APIP: variants seen among roughly 807,000 people sequenced by gnomAD.
The protein encoded by APIP is methylthioribulose-1-phosphate dehydratase.
A neutral mutation model predicts 32.0 loss-of-function variants in APIP; 32 were observed. The ratio of observed to expected loss-of-function variants is 1.00; its 90% CI spans 0.76 to 1.34. The LOEUF (loss-of-function observed/expected upper bound fraction) is 1.34, where lower values mean the gene tolerates loss of function less well. Ranked by LOEUF, APIP falls within the 40% of genes most tolerant of loss-of-function variation. The pLI is 0.00. For synonymous variants in APIP, 92 were observed against 94.8 expected, an observed-to-expected ratio of 0.97 and a Z score of 0.17; for missense variants, 247 against 298.6, an observed-to-expected ratio of 0.83 and a Z score of 1.27.
chr11:34,888,233 T>C (rs1853111100), intron 5 of APIP, 60 bp downstream of exon 5: 1 of 1,422,626 alleles, frequency 7.0e-7, no homozygotes. Flanking sequence ...CAGTATTCTA[T>C]TTATCAAAGA....
chr11:34,885,849 T>A (rs1853060469), intron 5 of APIP, among the ~76,000 whole-genome samples: 1 of 151,992 alleles, frequency 6.6e-6, no homozygotes, highest in Non-Finnish European at 1.5e-5. Context: ...TCTCAACAAC[T>A]CCTATCGCCT....
intron 1 of APIP, among the ~76,000 whole-genome samples, chr11:34,901,750 T>C (rs542151461): frequency 2.0e-5 from 3 of 152,296 alleles, no homozygotes; most frequent in East Asian, 1.9e-4. Context: ...ACAAACTCTT[T>C]GTCTCCCCCG....
intron 6 of APIP, among the ~76,000 whole-genome samples, chr11:34,883,054 T>C (rs983730335): frequency 6.6e-6 from 1 of 152,210 alleles, no homozygotes; most frequent in Non-Finnish European, 1.5e-5. Context: ...GTTTAAAATA[T>C]ACTGCCTACA....
At chr11:34,887,725 T>C (rs1853102797) in intron 5 of APIP, among the ~76,000 whole-genome samples, 1 of 152,214 alleles carries the variant, frequency 6.6e-6, no homozygotes. Context: ...CCTGCCGTTA[T>C]ATTCTAGAAT....
chr11:34,912,522 G>A (rs7130867), intron 1 of APIP, among the ~76,000 whole-genome samples: 28,746 of 152,098 alleles, frequency 0.19, 3,884 homozygotes, highest in African/African-American at 0.39. Context: ...AGGTGTGTCT[G>A]TGAGGGTGCT....
intron 1 of APIP, among the ~76,000 whole-genome samples, chr11:34,915,183 G>C (rs1186671908): frequency 1.3e-5 from 2 of 152,004 alleles, no homozygotes; most frequent in South Asian, 2.1e-4. Context: ...ATTACACTAA[G>C]ATTTACTGAT....
chr11:34,890,452 A>ATGT, intron 3 of APIP, 52 bp downstream of exon 3: 1 of 1,510,098 alleles, frequency 6.6e-7, no homozygotes, highest in Admixed American at 2.1e-5. Context: ...CATTTCATAA[A>ATGT]ACAGTAATTA....
Position 34,916,089 on chromosome 11 carries a change from G to A in APIP, c.57+139C>T, listed in dbSNP as rs1332928147. On this transcript the variant is annotated intron_variant, in intron 1 of 6. Coordinates refer to ENST00000395787, the MANE Select transcript of APIP (RefSeq NM_015957.4). ...CCGAACGCCAAGGTCGCGGTGCGCC[G>A]GGGTAGCGAACGGCCAGGCCCGAAA... The A allele has an allele frequency of 7.1e-6, 8 of 1,130,140 alleles. No individual in the cohort carries two copies. In the African/African-American group the frequency reaches 8.1e-5, roughly 11 times the overall value. 70.0% of individuals were successfully genotyped at this position (1,130,140 alleles called of 1,614,324 possible). A position where few individuals can be genotyped will look rare whatever the true frequency, so the allele number is the denominator to read the frequency against.
chr11:34,902,595 A>G (rs1469070113), intron 1 of APIP, among the ~76,000 whole-genome samples: 2 of 152,202 alleles, frequency 1.3e-5, no homozygotes, highest in Non-Finnish European at 2.9e-5. Context: ...GGGGCATTAC[A>G]GGATTTTGTA....
At chr11:34,885,869 A>G (rs1308062212) in intron 5 of APIP, among the ~76,000 whole-genome samples, 1 of 152,126 alleles carries the variant, frequency 6.6e-6, no homozygotes, top group Admixed American at 6.5e-5. Flanking sequence ...TAATGACCGC[A>G]TAGCTGTCAT....
intron 1 of APIP, 90 bp from the exon 2 acceptor site, chr11:34,895,200 A>G: frequency 9.2e-7 from 1 of 1,085,326 alleles, no homozygotes; most frequent in South Asian, 1.3e-5. Flanking sequence ...CCAATTTAAG[A>G]AAGTTTAAGA....
intron 1 of APIP, among the ~76,000 whole-genome samples, chr11:34,908,432 G>A (rs754035894): frequency 6.6e-6 from 1 of 152,178 alleles, no homozygotes; most frequent in Non-Finnish European, 1.5e-5. Context: ...CTTGGTCTTC[G>A]TTTCATTCTG....
chr11:34,899,052 G>A (rs1003681164), intron 1 of APIP, among the ~76,000 whole-genome samples: 1 of 151,642 alleles, frequency 6.6e-6, no homozygotes. Context: ...ACCTGCCTCG[G>A]CCTCCCAAAG....
At position 34,882,796 on chromosome 11, in the gene APIP, A is replaced by C; in HGVS notation, c.650T>G (p.Leu217Ter). 6.2e-7 allele frequency: 1 copy of C among 1,608,164 alleles called. No homozygotes were observed. The highest frequency in any genetic ancestry group is 8.5e-7 in the Non-Finnish European group (1 of 1,175,832). The change falls in exon 7 of 7, where the codon TTA becomes TGA. Residue 217 changes from leucine (L) to a stop codon, truncating the protein, a stop_gained. Transcript: ENST00000395787. LOFTEE classifies it high-confidence loss of function. ...AKTMCECYDY[L>*]FDIAVSMKKV... ...CTTCATTGATACGGCAATATCAAAT[A>C]AATAGTCATAACACTCACACCTGTA...
intron 1 of APIP, among the ~76,000 whole-genome samples, chr11:34,912,287 A>G (rs76977188): frequency 0.01 from 1,547 of 152,324 alleles, 33 homozygotes; most frequent in African/African-American, 0.034. Flanking sequence ...GAGTGTTCAG[A>G]AAAGATATAT....
chr11:34,900,894 G>A (rs1327478193), intron 1 of APIP, among the ~76,000 whole-genome samples: 4 of 152,002 alleles, frequency 2.6e-5, no homozygotes, highest in Non-Finnish European at 2.9e-5. Context: ...AAGACCAAAC[G>A]AGAATCCCAC....
Position 34,883,371 on chromosome 11 carries a change from C to A in APIP, c.595G>T (p.Val199Leu), listed in dbSNP as rs1853002158. 3 of 1,613,326 alleles carry A rather than the reference C, an allele frequency of 1.9e-6. No individual in the cohort carries two copies. The highest frequency in any genetic ancestry group is 2.5e-6 in the Non-Finnish European group (3 of 1,179,790). The change falls in exon 6 of 7, where the codon GTG (valine) becomes TTG (leucine). Residue 199 changes from valine (V) to leucine (L), a missense_variant. Transcript: ENST00000395787. The part of the protein sequence containing the change: ...AVLVRRHGVY[V>L]WGETWEKAKT... ...GCCTTCTCCCATGTTTCCCCCCACA[C>A]ATATACTCCATGACGTCTGACCAGT...
intron 1 of APIP, among the ~76,000 whole-genome samples, chr11:34,913,668 A>C (rs1240479682): frequency 3.9e-5 from 6 of 152,206 alleles, no homozygotes; most frequent in African/African-American, 1.4e-4. Flanking sequence ...AAGCTTCCAC[A>C]GCCTGGAAGG....
At chr11:34,902,292 CACAAG>C (rs1173578623) in intron 1 of APIP, among the ~76,000 whole-genome samples, 1 of 152,224 alleles carries the variant, frequency 6.6e-6, no homozygotes, top group Admixed American at 6.5e-5. Context: ...CAGGCACTGT[CACAAG>C]ACATTTCTGA....
Sources: gnomAD v4.1 joint callset for allele counts (sites outside exome capture counted in the v4.1 genomes callset) on GRCh38, gnomAD v4.1.1 for gene constraint, MANE v1.5 for transcripts, NCBI Gene and HGNC (gene_info 2026-07-23, HGNC 2026-07-21) for gene names.